The following NCOA7 variants were observed in gnomAD, a reference collection of about 807,000 sequenced individuals.
NCOA7 encodes the protein 140 kDa estrogen receptor-associated protein.
In NCOA7, 45 loss-of-function variants were observed where a neutral mutation model predicts 104.3. That is an observed-to-expected ratio of 0.43 (90% CI 0.34 to 0.55). The LOEUF (loss-of-function observed/expected upper bound fraction) is 0.55, where lower values mean the gene tolerates loss of function less well. NCOA7 is among the 20% of genes least tolerant of loss of function. NCOA7 has a pLI of 0.02. For synonymous variants in NCOA7, 398 were observed against 402.3 expected, an observed-to-expected ratio of 0.99 and a Z score of 0.13; for missense variants, 1,041 against 1,119.7, an observed-to-expected ratio of 0.93 and a Z score of 1.00.
chr6:125,846,334 T>C (rs1272875914), intron 2 of NCOA7, among the ~76,000 whole-genome samples: 1 of 149,130 alleles, frequency 6.7e-6, no homozygotes. Context: ...TGGGATGGTT[T>C]AGTTTGGATA....
In NCOA7 at chr6:125,922,765, G is replaced by C. The variant is rs1232400446; in HGVS notation, c.2454G>C (p.Lys818Asn). ...CGTTAGAGCACGGGACCAGCTTAAA[G>C]ACGCTCTACCGGAAATCGGCATCAC... ...YSTLEHGTSL[K>N]TLYRKSASLD... Residue 818 changes from lysine (K) to asparagine (N), a missense_variant, in exon 13 of 16, where the codon AAG (lysine) becomes AAC (asparagine). Physicochemically the swap from Lys to Asn is moderately conservative, Grantham distance 94. This residue lies in a region of NCOA7 where 127 missense variants were observed against 177.0 expected (regional missense o/e 0.72). Transcript: ENST00000392477. The C allele has an allele frequency of 6.2e-7, 1 of 1,614,170 alleles. No individual in the cohort carries two copies.
At position 125,864,995 on chromosome 6, in the gene NCOA7, A is replaced by G. The variant is rs1367313734; in HGVS notation, c.271+9755A>G. On this transcript the variant is annotated intron_variant, in intron 3 of 15. Coordinates refer to ENST00000392477, the MANE Select transcript of NCOA7 (RefSeq NM_181782.5). ...GGAAAGAGGGTAAGAAGAGGAGGAG[A>G]AGCAACATCAGACACGAGGAAGAGC... Among the ~76,000 whole-genome samples the G allele has an allele frequency of 1.4e-5, 2 of 138,394 alleles. 1 individual carries two copies. Among genetic ancestry groups the G allele is most frequent in the African/African-American group, 6.0e-5 (2 of 33,244 alleles). 90.8% of individuals were successfully genotyped at this position (138,394 alleles called of 152,430 possible).
At chr6:125,844,151 G>A (rs1172757039) in intron 2 of NCOA7, among the ~76,000 whole-genome samples, 1 of 152,176 alleles carries the variant, frequency 6.6e-6, no homozygotes, top group Non-Finnish European at 1.5e-5. Context: ...CCCCTGATTG[G>A]CATTCTGTTT....
At chr6:125,831,429 C>G (rs759422744) in intron 2 of NCOA7, among the ~76,000 whole-genome samples, 1 of 151,664 alleles carries the variant, frequency 6.6e-6, no homozygotes, top group Non-Finnish European at 1.5e-5. Flanking sequence ...TGATATCAAG[C>G]TACTCGGTGT....
intron 11 of NCOA7, chr6:125,919,282 A>G (rs773570999): frequency 6.2e-7 from 1 of 1,612,292 alleles, no homozygotes. Flanking sequence ...GCTACAAGTA[A>G]CTGTGGTGTG....
chr6:125,893,851 G>T (rs1438512411), intron 10 of NCOA7, among the ~76,000 whole-genome samples: 1 of 152,118 alleles, frequency 6.6e-6, no homozygotes, highest in Non-Finnish European at 1.5e-5. Context: ...TTGCACACCT[G>T]TACACTACGA....
intron 10 of NCOA7, among the ~76,000 whole-genome samples, chr6:125,897,433 T>C (rs1302457588): frequency 6.6e-6 from 1 of 152,232 alleles, no homozygotes; most frequent in African/African-American, 2.4e-5. Flanking sequence ...AGCAGAGCCT[T>C]AAGCTCATAG....
At position 125,930,568 on chromosome 6, in the gene NCOA7, G is replaced by A. The variant is rs373103786; in HGVS notation, c.*1797G>A. The A allele has an allele frequency of 3.9e-5, 6 of 152,626 alleles. No homozygotes were observed. The highest frequency in any genetic ancestry group is 1.9e-4 in the East Asian group (1 of 5,180). 9.5% of individuals were successfully genotyped at this position (152,626 alleles called of 1,614,324 possible). Reference sequence around the variant, plus strand: ...TATTTACATATCTGCATTTAAAAAAGCAATTCTTAGAATACTTCCTTTACA... The same window carrying A: ...TATTTACATATCTGCATTTAAAAAAACAATTCTTAGAATACTTCCTTTACA... On this transcript the variant is annotated 3_prime_UTR_variant, in exon 16 of 16. Coordinates refer to ENST00000392477, the MANE Select transcript of NCOA7 (RefSeq NM_181782.5).
intron 10 of NCOA7, among the ~76,000 whole-genome samples, chr6:125,902,896 C>T (rs1355785533): frequency 2.0e-5 from 3 of 152,284 alleles, no homozygotes; most frequent in African/African-American, 7.2e-5. Flanking sequence ...CATAATAGTG[C>T]CTACCTCACG....
At chr6:125,890,535 A>G in intron 9 of NCOA7, 107 bp from the exon 10 acceptor site, 2 of 1,086,462 alleles carry the variant, frequency 1.8e-6, no homozygotes, top group Non-Finnish European at 2.6e-6. Context: ...ATGTTTCTGC[A>G]ATGTTTTGAC....
intron 10 of NCOA7, chr6:125,900,046 T>G: frequency 3.8e-6 from 2 of 533,028 alleles, no homozygotes; most frequent in Non-Finnish European, 7.7e-6. Context: ...ACAGTAATGA[T>G]TGCAAACCTA....
At chr6:125,839,007 T>G (rs143573075) in intron 2 of NCOA7, among the ~76,000 whole-genome samples, 402 of 152,194 alleles carry the variant, frequency 2.6e-3, no homozygotes, top group African/African-American at 8.9e-3. Flanking sequence ...AGACGCATAG[T>G]GTGTTCATCA....
At chr6:125,788,410 G>A (rs1359541882), upstream of NCOA7, among the ~76,000 whole-genome samples, 2 of 152,308 alleles carry the variant, frequency 1.3e-5, no homozygotes, top group South Asian at 2.1e-4. Flanking sequence ...TAGCTGGGGA[G>A]CAGAAATCTT....
intron 7 of NCOA7, among the ~76,000 whole-genome samples, chr6:125,883,662 C>T (rs1039328396): frequency 1.3e-5 from 2 of 151,398 alleles, no homozygotes; most frequent in Admixed American, 1.3e-4. Flanking sequence ...AGTATATGTC[C>T]TTTGACCAAC....
intron 1 of NCOA7, among the ~76,000 whole-genome samples, chr6:125,806,028 C>T (rs974394021): frequency 2.6e-5 from 4 of 152,058 alleles, no homozygotes; most frequent in African/African-American, 9.7e-5. Context: ...TGGATTTTAA[C>T]CAGGCCTGTC....
intron 10 of NCOA7, among the ~76,000 whole-genome samples, chr6:125,904,274 A>G (rs1785768492): frequency 6.6e-6 from 1 of 152,036 alleles, no homozygotes; most frequent in South Asian, 2.1e-4. Context: ...CAACACCAAC[A>G]TCCCAGCTCC....
intron 12 of NCOA7, among the ~76,000 whole-genome samples, chr6:125,921,774 C>T (rs1787609361): frequency 6.6e-6 from 1 of 152,154 alleles, no homozygotes; most frequent in African/African-American, 2.4e-5. Context: ...AGGCACTCTA[C>T]TTGCTTTATG....
chr6:125,897,767 T>A (rs1212097569), intron 10 of NCOA7, among the ~76,000 whole-genome samples: 3 of 152,048 alleles, frequency 2.0e-5, no homozygotes, highest in African/African-American at 7.2e-5. Flanking sequence ...GCAGCCTCCG[T>A]CTCCTGGCTT....
At chr6:125,874,158 C>T (rs1783167245) in intron 3 of NCOA7, among the ~76,000 whole-genome samples, 1 of 152,170 alleles carries the variant, frequency 6.6e-6, no homozygotes, top group Non-Finnish European at 1.5e-5. Context: ...AACCCTGTCT[C>T]TACTAAAAAT....
Sources: gnomAD v4.1 joint callset for allele counts (sites outside exome capture counted in the v4.1 genomes callset) on GRCh38, gnomAD v4.1.1 for gene constraint, gnomAD v4.1.1 regional missense constraint, MANE v1.5 for transcripts, NCBI Gene and HGNC (gene_info 2026-07-23, HGNC 2026-07-21) for gene names.